The following CERS6 variants were observed in gnomAD, a reference collection of about 807,000 sequenced individuals.
CERS6 encodes ceramide synthase 6, also known as LAG1 homolog, ceramide synthase 6.
CERS6 carries 26 observed loss-of-function variants against 56.8 expected under a neutral mutation model. The observed-to-expected ratio is 0.46, with a 90% confidence interval of 0.34 to 0.63. CERS6 has a LOEUF of 0.63. CERS6 is among the 30% of genes least tolerant of loss of function. The probability of loss-of-function intolerance (pLI) is 0.01; values close to 1 mark genes in which losing one functional copy is unlikely to be tolerated. For synonymous variants in CERS6, 164 were observed against 173.3 expected, an observed-to-expected ratio of 0.95 and a Z score of 0.42; for missense variants, 415 against 467.5, an observed-to-expected ratio of 0.89 and a Z score of 1.04.
At chr2:168,701,677 C>G (rs946257656) in intron 6 of CERS6, among the ~76,000 whole-genome samples, 2 of 152,026 alleles carry the variant, frequency 1.3e-5, no homozygotes, top group South Asian at 4.2e-4. Context: ...CCGAGGATAC[C>G]AAAATTCATG....
chr2:168,657,635 C>T (rs1340180404), intron 4 of CERS6, among the ~76,000 whole-genome samples: 6 of 152,332 alleles, frequency 3.9e-5, no homozygotes, highest in Middle Eastern at 3.4e-3. Context: ...GCCTGTGGAC[C>T]GGCACTGCTG....
intron 1 of CERS6, among the ~76,000 whole-genome samples, chr2:168,538,487 G>A (rs6727204): frequency 0.95 from 144,925 of 152,234 alleles, 69,422 homozygotes; most frequent in East Asian, 1. Context: ...TTCCTTCAGG[G>A]TTCTGTGTAC....
At chr2:168,613,652 G>A (rs752634919) in intron 3 of CERS6, among the ~76,000 whole-genome samples, 1 of 152,188 alleles carries the variant, frequency 6.6e-6, no homozygotes, top group Non-Finnish European at 1.5e-5. Flanking sequence ...AGTATCATAG[G>A]TGTAAACACT....
chr2:168,567,773 T>C (rs944497607), intron 3 of CERS6, among the ~76,000 whole-genome samples: 1 of 152,210 alleles, frequency 6.6e-6, no homozygotes, highest in African/African-American at 2.4e-5. Flanking sequence ...ATGTGAATAG[T>C]TCTGTAATTG....
At chr2:168,464,931 G>A (rs76732685) in intron 1 of CERS6, among the ~76,000 whole-genome samples, 1,769 of 152,322 alleles carry the variant, frequency 0.012, 10 homozygotes, top group Non-Finnish European at 0.014. Flanking sequence ...GATCTGTTGT[G>A]CACTGTTGGT....
intron 1 of CERS6, among the ~76,000 whole-genome samples, chr2:168,502,494 G>C (rs1187019173): frequency 6.6e-6 from 1 of 152,094 alleles, no homozygotes; most frequent in Non-Finnish European, 1.5e-5. Flanking sequence ...TCTGCAGCAT[G>C]GTTGTCTTTG....
intron 8 of CERS6, among the ~76,000 whole-genome samples, chr2:168,738,960 A>G (rs1267501249): frequency 6.6e-6 from 1 of 151,504 alleles, no homozygotes; most frequent in Non-Finnish European, 1.5e-5. Flanking sequence ...ATCTCGGCTA[A>G]CTGCAACCTC....
intron 8 of CERS6, among the ~76,000 whole-genome samples, chr2:168,732,375 T>C (rs925587419): frequency 3.9e-5 from 6 of 152,236 alleles, no homozygotes; most frequent in African/African-American, 1.4e-4. Flanking sequence ...CTCTTGCAGT[T>C]CATCTGTGTG....
At position 168,736,434 on chromosome 2, in the gene CERS6, C is replaced by T. The variant is rs1683719933; in HGVS notation, c.845+18456C>T. Among the ~76,000 whole-genome samples, 5 of 152,236 alleles carry T rather than the reference C, an allele frequency of 3.3e-5. No individual in the cohort carries two copies. The South Asian group carries it at 8.3e-4, about 25-fold the overall frequency. On this transcript the variant is annotated intron_variant, in intron 8 of 9. Transcript: ENST00000305747. ...CTCAAACTCCTGGGCTCAAGGGATCCTCCTGCCTCAGCCTCCCAAGCACGG... is the reference window on the plus strand; with the variant it reads ...CTCAAACTCCTGGGCTCAAGGGATCTTCCTGCCTCAGCCTCCCAAGCACGG...
intron 1 of CERS6, among the ~76,000 whole-genome samples, chr2:168,540,452 A>G (rs1402761806): frequency 6.6e-6 from 1 of 152,194 alleles, no homozygotes; most frequent in African/African-American, 2.4e-5. Flanking sequence ...TTAGATACAC[A>G]AGTACCATTC....
At chr2:168,464,350 G>A (rs1028547407) in intron 1 of CERS6, among the ~76,000 whole-genome samples, 13 of 151,958 alleles carry the variant, frequency 8.6e-5, no homozygotes, top group African/African-American at 2.9e-4. Context: ...TAATAGAGAT[G>A]GGGTTTCACC....
chr2:168,645,306 G>A (rs1220488702), intron 4 of CERS6, among the ~76,000 whole-genome samples: 1 of 149,398 alleles, frequency 6.7e-6, no homozygotes, highest in African/African-American at 2.5e-5. Context: ...CAAAACTGTG[G>A]GGTTTTTTGT....
chr2:168,601,367 T>C (rs1013609311), intron 3 of CERS6, among the ~76,000 whole-genome samples: 4 of 152,194 alleles, frequency 2.6e-5, no homozygotes, highest in African/African-American at 9.7e-5. Context: ...TAAACTTAAT[T>C]TGCATTTATC....
chr2:168,630,223 C>T (rs1026149619), intron 3 of CERS6, among the ~76,000 whole-genome samples: 7 of 151,418 alleles, frequency 4.6e-5, no homozygotes, highest in South Asian at 2.1e-4. Flanking sequence ...CTTTTAAAGG[C>T]GTAGCTATTC....
At chr2:168,645,693 C>T (rs2105311514) in intron 4 of CERS6, among the ~76,000 whole-genome samples, 1 of 152,246 alleles carries the variant, frequency 6.6e-6, no homozygotes, top group South Asian at 2.1e-4. Flanking sequence ...TTCCTCCCAC[C>T]CACCACCGTC....
intron 1 of CERS6, among the ~76,000 whole-genome samples, chr2:168,522,575 C>T (rs1695001803): frequency 6.6e-6 from 1 of 151,938 alleles, no homozygotes; most frequent in Non-Finnish European, 1.5e-5. Context: ...CTCTGTTGCT[C>T]AGGCTAGAGT....
chr2:168,683,356 G>A (rs988656041), intron 4 of CERS6, among the ~76,000 whole-genome samples: 1 of 151,934 alleles, frequency 6.6e-6, no homozygotes, highest in African/African-American at 2.4e-5. Context: ...ATGTGCTTTT[G>A]GTCACATATT....
intron 1 of CERS6, among the ~76,000 whole-genome samples, chr2:168,464,186 G>GTC (rs1170032792): frequency 1.9e-4 from 28 of 149,858 alleles, no homozygotes; most frequent in Non-Finnish European, 3.3e-4. Flanking sequence ...GTGTGTGTGT[G>GTC]TGTGTGTGTG....
intron 6 of CERS6, among the ~76,000 whole-genome samples, chr2:168,714,170 C>T (rs544175139): frequency 4.5e-4 from 68 of 152,290 alleles, no homozygotes; most frequent in African/African-American, 1.3e-3. Flanking sequence ...AGGGCACTAA[C>T]CCTATTCATG....
Sources: allele counts gnomAD v4.1 joint callset (sites outside exome capture counted in the v4.1 genomes callset), GRCh38; gene constraint gnomAD v4.1.1; transcripts MANE v1.5; gene names NCBI Gene and HGNC (gene_info 2026-07-23, HGNC 2026-07-21).